Variants in LYPLAL1 observed in about 807,000 individuals in gnomAD.
The protein encoded by LYPLAL1 is lysophospholipase like 1.
In LYPLAL1, 23 loss-of-function variants were observed where a neutral mutation model predicts 19.7. The observed-to-expected ratio is 1.17, with a 90% CI of 0.84 to 1.65. The LOEUF is 1.65. Among genes scored for constraint, LYPLAL1 ranks in the 40% most tolerant of loss-of-function variants. The pLI, the probability that LYPLAL1 is intolerant of heterozygous loss-of-function variation, is 0.00. For missense variants in LYPLAL1, 355 were observed against 279.4 expected (o/e 1.27, Z -1.93); for synonymous variants, 119 against 96.3 (o/e 1.24, Z -1.38).
At chr1:219,248,506 T>A in the LYPLAL1 span, among the ~76,000 whole-genome samples, 1 of 152,164 alleles carries the variant, frequency 6.6e-6, no homozygotes, top group Non-Finnish European at 1.5e-5. Flanking sequence ...TCTCCTTTAT[T>A]TCCAGAAAAG....
At chr1:219,368,944 CAG>C in the LYPLAL1 span, among the ~76,000 whole-genome samples, 1 of 152,216 alleles carries the variant, frequency 6.6e-6, no homozygotes, top group African/African-American at 2.4e-5. Context: ...CCAACAAGAA[CAG>C]AGAGAGTGTT....
At chr1:219,260,248 GA>G in the LYPLAL1 span, among the ~76,000 whole-genome samples, 141 of 151,426 alleles carry the variant, frequency 9.3e-4, 1 homozygote, top group African/African-American at 3.1e-3. Flanking sequence ...TGGTATTAAA[GA>G]AAAAAAATCT....
chr1:219,207,939 C>G (rs894180564), intron 3 of LYPLAL1, among the ~76,000 whole-genome samples: 2 of 152,016 alleles, frequency 1.3e-5, no homozygotes, highest in Non-Finnish European at 2.9e-5. Flanking sequence ...ACATCATGGT[C>G]TGTAAGTCTC....
At chr1:219,282,716 T>C in the LYPLAL1 span, among the ~76,000 whole-genome samples, 1 of 152,144 alleles carries the variant, frequency 6.6e-6, no homozygotes, top group Non-Finnish European at 1.5e-5. Flanking sequence ...AACTGAGAAT[T>C]CTATTTTTTT....
the LYPLAL1 span, among the ~76,000 whole-genome samples, chr1:219,312,848 A>G: frequency 2.6e-5 from 4 of 152,144 alleles, no homozygotes; most frequent in African/African-American, 9.7e-5. Flanking sequence ...CCAGAGATGT[A>G]GAGAGGAAGC....
intron 2 of LYPLAL1, chr1:219,179,548 T>A (rs1323740492): frequency 4.2e-6 from 1 of 239,694 alleles, no homozygotes; most frequent in Non-Finnish European, 7.9e-6. Flanking sequence ...CTTTCATACT[T>A]CTTCCCTACA....
chr1:219,190,476 A>G (rs1657066686), intron 2 of LYPLAL1, among the ~76,000 whole-genome samples: 1 of 151,516 alleles, frequency 6.6e-6, no homozygotes, highest in African/African-American at 2.4e-5. Context: ...TGTAAAAATG[A>G]AAACAAAAGT....
the LYPLAL1 span, among the ~76,000 whole-genome samples, chr1:219,368,078 C>G: frequency 2.6e-5 from 4 of 151,196 alleles, no homozygotes; most frequent in Admixed American, 2.6e-4. Flanking sequence ...CCTTTAGTAG[C>G]AAATAACAAA....
the LYPLAL1 span, among the ~76,000 whole-genome samples, chr1:219,441,500 T>A: frequency 2.7e-4 from 41 of 152,328 alleles, no homozygotes; most frequent in African/African-American, 7.5e-4. Context: ...ATATGGAGGC[T>A]TATTATGCTA....
the LYPLAL1 span, among the ~76,000 whole-genome samples, chr1:219,331,953 A>T: frequency 6.6e-6 from 1 of 152,148 alleles, no homozygotes; most frequent in African/African-American, 2.4e-5. Flanking sequence ...TTTGTTAATT[A>T]ATGCTAGGTT....
the LYPLAL1 span, among the ~76,000 whole-genome samples, chr1:219,361,113 A>G: frequency 6.6e-6 from 1 of 152,210 alleles, no homozygotes; most frequent in Non-Finnish European, 1.5e-5. Flanking sequence ...ATGTGCACAC[A>G]GGAGTGTATT....
the LYPLAL1 span, among the ~76,000 whole-genome samples, chr1:219,287,729 G>A: frequency 6.6e-6 from 1 of 152,214 alleles, no homozygotes; most frequent in Non-Finnish European, 1.5e-5. Context: ...GTTTAGCTCT[G>A]TGTCCTCACC....
the LYPLAL1 span, among the ~76,000 whole-genome samples, chr1:219,342,341 T>C: frequency 6.6e-6 from 1 of 152,078 alleles, no homozygotes; most frequent in Admixed American, 6.6e-5. Context: ...ACAGACAAGC[T>C]TAGTGATTAT....
the LYPLAL1 span, among the ~76,000 whole-genome samples, chr1:219,246,593 G>T: frequency 6.6e-6 from 1 of 152,134 alleles, no homozygotes; most frequent in African/African-American, 2.4e-5. Flanking sequence ...AATTTACATT[G>T]TTTTTCTCTT....
chr1:219,237,416 G>A, the LYPLAL1 span, among the ~76,000 whole-genome samples: 17 of 152,168 alleles, frequency 1.1e-4, no homozygotes, highest in Non-Finnish European at 2.2e-4. Context: ...CTGGGGAAAA[G>A]TTTTCAACAG....
intron 3 of LYPLAL1, among the ~76,000 whole-genome samples, chr1:219,204,141 TG>T (rs760820676): frequency 1.4e-4 from 22 of 152,074 alleles, no homozygotes; most frequent in Non-Finnish European, 3.1e-4. Flanking sequence ...ATAAGAAAAA[TG>T]TTGATTTTTT....
At chr1:219,286,011 C>T in the LYPLAL1 span, among the ~76,000 whole-genome samples, 11 of 151,978 alleles carry the variant, frequency 7.2e-5, no homozygotes, top group Admixed American at 2.0e-4. Context: ...TAGAGATATA[C>T]ACACACACAT....
At chr1:219,357,881 A>G in the LYPLAL1 span, among the ~76,000 whole-genome samples, 76 of 152,330 alleles carry the variant, frequency 5.0e-4, no homozygotes, top group South Asian at 3.3e-3. Flanking sequence ...CAAACCAAGC[A>G]AAGACATGGA....
intron 3 of LYPLAL1, among the ~76,000 whole-genome samples, chr1:219,205,497 C>A (rs897812523): frequency 6.6e-6 from 1 of 151,468 alleles, no homozygotes; most frequent in Non-Finnish European, 1.5e-5. Context: ...ATACATTGAA[C>A]ATGTAGAGTT....
Sources: allele counts gnomAD v4.1 joint callset (sites outside exome capture counted in the v4.1 genomes callset), GRCh38; gene constraint gnomAD v4.1.1; transcripts MANE v1.5; gene names NCBI Gene and HGNC (gene_info 2026-07-23, HGNC 2026-07-21).